ABLIM1: variants seen among roughly 807,000 people sequenced by gnomAD.
The protein encoded by ABLIM1 is actin binding LIM protein 1, also known as actin-binding LIM protein 1.
ABLIM1 carries 40 observed loss-of-function variants against 107.0 expected under a neutral mutation model. The observed-to-expected ratio is 0.37, with a 90% confidence interval of 0.29 to 0.49. ABLIM1 has a LOEUF of 0.49. ABLIM1 is among the 20% of genes least tolerant of loss of function. The pLI is 0.97. For synonymous variants in ABLIM1, 357 were observed against 357.3 expected (o/e 1.00, Z 0.01); for missense variants, 857 against 1,008.5 (o/e 0.85, Z 2.04).
At chr10:114,500,188 G>A (rs1322270203) in intron 6 of ABLIM1, among the ~76,000 whole-genome samples, 2 of 152,292 alleles carry the variant, frequency 1.3e-5, no homozygotes, top group Non-Finnish European at 2.9e-5. Flanking sequence ...CTTTAAACAC[G>A]TGTGCTATGT....
chr10:114,517,054 A>G (rs1177240473), intron 6 of ABLIM1, among the ~76,000 whole-genome samples: 2 of 152,150 alleles, frequency 1.3e-5, no homozygotes, highest in Non-Finnish European at 2.9e-5. Flanking sequence ...GACAAGAACA[A>G]GGCTTTTGCC....
rs147113770 is a variant in ABLIM1, at chr10:114,601,752, T to TA, written c.379+74dup. 3.7e-3 allele frequency: 5,940 copies of TA among 1,606,624 alleles called. 189 individuals are homozygous for TA. The African/African-American group carries it at 0.072, about 19-fold the overall frequency. On this transcript the variant is annotated intron_variant, in intron 2 of 22. Transcript: ENST00000533213. ...ATCATCCAGTGACCGGATGTGGAGT[T>TA]AAGGGGATGGGCTGGACCCAAGGCA... is the stretch of plus-strand genomic sequence containing the variant.
At chr10:114,488,369 CATTTA>C (rs1007328377) in intron 7 of ABLIM1, among the ~76,000 whole-genome samples, 19 of 152,210 alleles carry the variant, frequency 1.2e-4, no homozygotes, top group Admixed American at 1.1e-3. Context: ...CTACAAGCTG[CATTTA>C]ATTTAAAAAA....
At chr10:114,498,796 G>A (rs1157903760) in intron 6 of ABLIM1, among the ~76,000 whole-genome samples, 2 of 152,252 alleles carry the variant, frequency 1.3e-5, no homozygotes, top group African/African-American at 4.8e-5. Context: ...AGCAGATGAG[G>A]GCAAAAGAGG....
upstream of ABLIM1, among the ~76,000 whole-genome samples, chr10:114,686,604 C>T (rs1330670692): frequency 6.6e-6 from 1 of 151,646 alleles, no homozygotes; most frequent in Non-Finnish European, 1.5e-5. Flanking sequence ...TTCCTCTTTT[C>T]CTTTCTCCCT....
the ABLIM1 span, among the ~76,000 whole-genome samples, chr10:114,800,521 A>G: frequency 1.3e-5 from 2 of 152,194 alleles, no homozygotes; most frequent in Admixed American, 6.5e-5. Context: ...AAATAATATT[A>G]TTTTTGGCAA....
chr10:114,437,740 ATT>A, intron 22 of ABLIM1, 102 bp downstream of exon 22: 2 of 957,302 alleles, frequency 2.1e-6, no homozygotes, highest in South Asian at 1.6e-5. Context: ...GATCTTTATA[ATT>A]TTTTTTTGTT....
chr10:114,767,872 C>A (rs1051377814), intron 1 of ABLIM1, among the ~76,000 whole-genome samples: 19 of 151,966 alleles, frequency 1.3e-4, no homozygotes, highest in Non-Finnish European at 8.8e-5. Flanking sequence ...CGCCCACATC[C>A]GGGGATCAAG....
chr10:114,714,724 C>T (rs1286812174), intron 1 of ABLIM1, among the ~76,000 whole-genome samples: 6 of 152,146 alleles, frequency 3.9e-5, no homozygotes. Context: ...GCACGGAAGT[C>T]AATAGCAGAT....
At chr10:114,774,045 C>A in the ABLIM1 span, among the ~76,000 whole-genome samples, 1 of 151,278 alleles carries the variant, frequency 6.6e-6, no homozygotes, top group South Asian at 2.1e-4. Flanking sequence ...AAATGAATGA[C>A]CTTTAGTGAA....
the ABLIM1 span, among the ~76,000 whole-genome samples, chr10:114,796,388 C>CTTCA: frequency 5.5e-4 from 83 of 152,272 alleles, no homozygotes; most frequent in Non-Finnish European, 8.8e-4. Flanking sequence ...TGGCAAGAGG[C>CTTCA]TTCAGTTCCT....
chr10:114,764,186 C>T (rs1047516107), intron 1 of ABLIM1, among the ~76,000 whole-genome samples: 2 of 152,176 alleles, frequency 1.3e-5, no homozygotes, highest in Non-Finnish European at 2.9e-5. Flanking sequence ...AAAAATACAA[C>T]ACCAAGTTAC....
intron 2 of ABLIM1, among the ~76,000 whole-genome samples, chr10:114,594,100 C>A (rs959780957): frequency 6.6e-6 from 1 of 152,176 alleles, no homozygotes; most frequent in East Asian, 1.9e-4. Context: ...AAAGGATGAG[C>A]TCTGCTTTTG....
At chr10:114,526,097 T>C (rs1341662307) in intron 6 of ABLIM1, among the ~76,000 whole-genome samples, 3 of 152,190 alleles carry the variant, frequency 2.0e-5, no homozygotes, top group Non-Finnish European at 2.9e-5. Flanking sequence ...AGAGCCGCAA[T>C]AAAACATGAA....
At chr10:114,603,632 C>G in intron 1 of ABLIM1, among the ~76,000 whole-genome samples, 1 of 148,628 alleles carries the variant, frequency 6.7e-6, no homozygotes, top group African/African-American at 2.5e-5. Context: ...CTATCCCTTG[C>G]ACATTAAAAA....
chr10:114,628,319 G>C (rs2077950114), intron 1 of ABLIM1, among the ~76,000 whole-genome samples: 1 of 152,256 alleles, frequency 6.6e-6, no homozygotes, highest in African/African-American at 2.4e-5. Context: ...TGATTGTCAT[G>C]AGTAAGAAGT....
At chr10:114,465,207 G>A (rs187214758) in intron 12 of ABLIM1, among the ~76,000 whole-genome samples, 1 of 152,244 alleles carries the variant, frequency 6.6e-6, no homozygotes, top group East Asian at 1.9e-4. Flanking sequence ...GGGTTGGAAC[G>A]ATCTTAAAAG....
intron 1 of ABLIM1, among the ~76,000 whole-genome samples, chr10:114,652,332 G>C (rs981538823): frequency 6.6e-6 from 1 of 152,248 alleles, no homozygotes; most frequent in Non-Finnish European, 1.5e-5. Flanking sequence ...GGGTAAGAAG[G>C]GCACACTAAA....
At chr10:114,798,325 G>A in the ABLIM1 span, among the ~76,000 whole-genome samples, 24 of 152,186 alleles carry the variant, frequency 1.6e-4, no homozygotes, top group South Asian at 4.8e-3. Flanking sequence ...CTCAGAGGCT[G>A]AGGCAGAAGA....
Sources: allele counts gnomAD v4.1 joint callset (sites outside exome capture counted in the v4.1 genomes callset), GRCh38; gene constraint gnomAD v4.1.1; transcripts MANE v1.5; gene names NCBI Gene and HGNC (gene_info 2026-07-23, HGNC 2026-07-21).